Variants in SH3RF1 observed in about 807,000 individuals in gnomAD.
SH3RF1 encodes the protein SH3 domain containing ring finger 1.
A neutral mutation model predicts 74.0 loss-of-function variants in SH3RF1; 32 were observed. The ratio of observed to expected loss-of-function variants is 0.43; its 90% CI spans 0.33 to 0.58. The LOEUF is 0.58. SH3RF1 is among the 20% of genes least tolerant of loss of function. The probability of loss-of-function intolerance (pLI) is 0.05; values close to 1 mark genes in which losing one functional copy is unlikely to be tolerated. For synonymous variants in SH3RF1, 396 were observed against 439.6 expected (o/e 0.90, Z 1.24); for missense variants, 954 against 1,130.9 (o/e 0.84, Z 2.24).
At chr4:169,248,752 G>A (rs1283258959) in intron 2 of SH3RF1, among the ~76,000 whole-genome samples, 1 of 152,192 alleles carries the variant, frequency 6.6e-6, no homozygotes, top group Non-Finnish European at 1.5e-5. Flanking sequence ...CCTGGTGGGT[G>A]TTTGTGACTA....
chr4:169,120,713 T>TAAC (rs147918956), intron 8 of SH3RF1, 106 bp downstream of exon 8: 148,947 of 1,213,776 alleles, frequency 0.12, 10,443 homozygotes, highest in South Asian at 0.16. Flanking sequence ...CTTGGCTATG[T>TAAC]AACAGGCAAT....
intron 5 of SH3RF1, among the ~76,000 whole-genome samples, chr4:169,133,013 A>G (rs1733643891): frequency 6.6e-6 from 1 of 152,182 alleles, no homozygotes; most frequent in Non-Finnish European, 1.5e-5. Flanking sequence ...ATATAATAGC[A>G]AGCAAGCCCT....
At chr4:169,244,484 T>G (rs1463437043) in intron 2 of SH3RF1, among the ~76,000 whole-genome samples, 2 of 152,194 alleles carry the variant, frequency 1.3e-5, no homozygotes, top group African/African-American at 4.8e-5. Context: ...ACTTCTTTTT[T>G]GTGGACTCAA....
intron 4 of SH3RF1, among the ~76,000 whole-genome samples, chr4:169,144,772 T>A (rs78299980): frequency 6.6e-6 from 1 of 152,024 alleles, no homozygotes; most frequent in Admixed American, 6.6e-5. Flanking sequence ...TTTTTTTTTT[T>A]AAGGAAAGCT....
chr4:169,187,425 A>G (rs1035700383), intron 2 of SH3RF1, among the ~76,000 whole-genome samples: 1 of 152,012 alleles, frequency 6.6e-6, no homozygotes, highest in South Asian at 2.1e-4. Context: ...TCTTGGGCTC[A>G]AGCAATCCTG....
chr4:169,161,082 G>T (rs1437487198), intron 2 of SH3RF1, among the ~76,000 whole-genome samples: 4 of 152,154 alleles, frequency 2.6e-5, no homozygotes, highest in Non-Finnish European at 4.4e-5. Context: ...AGGATCCACA[G>T]AGCTTACATT....
intron 2 of SH3RF1, among the ~76,000 whole-genome samples, chr4:169,181,969 C>G (rs143448312): frequency 2.0e-5 from 3 of 152,038 alleles, no homozygotes; most frequent in African/African-American, 7.3e-5. Flanking sequence ...TCTCTCCCAC[C>G]GAAATGAAGA....
At chr4:169,242,942 A>C (rs2110736737) in intron 2 of SH3RF1, among the ~76,000 whole-genome samples, 1 of 152,296 alleles carries the variant, frequency 6.6e-6, no homozygotes, top group Middle Eastern at 3.4e-3. Context: ...CCAAGACACC[A>C]GGTATGTGCA....
Position 169,144,886 on chromosome 4 carries a change from T to G in SH3RF1, c.766-8266A>C, listed in dbSNP as rs920988420. Among the ~76,000 whole-genome samples the G allele has an allele frequency of 3.9e-5, 6 of 152,002 alleles. No individual in the cohort carries two copies. In the East Asian group the frequency reaches 1.2e-3, roughly 29 times the overall value. On this transcript the variant is annotated intron_variant, in intron 4 of 11. Coordinates refer to ENST00000284637, the MANE Select transcript of SH3RF1 (RefSeq NM_020870.4). Reference sequence around the variant, plus strand: ...ATCGTACTAGTTGGTGATCTCTGATTTAGGGAAGAAATAATAGAGAAGAAA... The same window carrying G: ...ATCGTACTAGTTGGTGATCTCTGATGTAGGGAAGAAATAATAGAGAAGAAA...
chr4:169,172,502 AT>A (rs1216016724), intron 2 of SH3RF1, among the ~76,000 whole-genome samples: 1 of 152,192 alleles, frequency 6.6e-6, no homozygotes, highest in Admixed American at 6.5e-5. Context: ...GGATTAGGGC[AT>A]TTTCAGTTGT....
At chr4:169,159,311 A>G (rs563895367) in intron 2 of SH3RF1, among the ~76,000 whole-genome samples, 1 of 152,370 alleles carries the variant, frequency 6.6e-6, no homozygotes, top group Admixed American at 6.5e-5. Flanking sequence ...AAGGCTAGTT[A>G]TCACAGCTTA....
At chr4:169,223,015 G>A (rs1041655684) in intron 2 of SH3RF1, among the ~76,000 whole-genome samples, 1 of 152,286 alleles carries the variant, frequency 6.6e-6, no homozygotes, top group Middle Eastern at 3.4e-3. Context: ...CTCTTCACAA[G>A]GCGGGAAACA....
intron 11 of SH3RF1, among the ~76,000 whole-genome samples, chr4:169,097,058 T>C (rs1732943192): frequency 6.6e-6 from 1 of 152,096 alleles, no homozygotes; most frequent in Non-Finnish European, 1.5e-5. Flanking sequence ...AGGAGTGAAT[T>C]TATTTGATTG....
At position 169,122,155 on chromosome 4, in the gene SH3RF1, T is replaced by C. The variant is rs201060822; in HGVS notation, c.1291A>G (p.Met431Val). 13 of 1,613,300 alleles carry C rather than the reference T, an allele frequency of 8.1e-6. No individual in the cohort carries two copies. The highest frequency in any genetic ancestry group is 4.5e-5 in the East Asian group (2 of 44,886). ...GCAATCTGGTCAGTGGATCCTGCCATGGGCCTCGGTCCCATTCCAGCAGCA... is the reference window on the plus strand; with the variant it reads ...GCAATCTGGTCAGTGGATCCTGCCACGGGCCTCGGTCCCATTCCAGCAGCA... Reference protein sequence around the residue: ...AAAAGMGPRPMAGSTDQIAHL... With the variant: ...AAAAGMGPRPVAGSTDQIAHL... The change falls in exon 7 of 12, where the codon ATG (methionine) becomes GTG (valine). Residue 431 changes from methionine (M) to valine (V), a missense_variant. Met to Val is a conservative substitution (Grantham distance 21). Coordinates refer to ENST00000284637, the MANE Select transcript of SH3RF1 (RefSeq NM_020870.4).
intron 2 of SH3RF1, among the ~76,000 whole-genome samples, chr4:169,212,679 A>C (rs1332421010): frequency 6.6e-6 from 1 of 152,124 alleles, no homozygotes; most frequent in Non-Finnish European, 1.5e-5. Context: ...CATTTCTTAC[A>C]ATCAGTGAAC....
At chr4:169,228,685 T>G (rs1730689000) in intron 2 of SH3RF1, among the ~76,000 whole-genome samples, 1 of 152,212 alleles carries the variant, frequency 6.6e-6, no homozygotes, top group Admixed American at 6.5e-5. Flanking sequence ...GGGATTAGGA[T>G]GTAAACATCT....
intron 2 of SH3RF1, among the ~76,000 whole-genome samples, chr4:169,226,792 T>G (rs1358041141): frequency 6.6e-6 from 1 of 152,234 alleles, no homozygotes; most frequent in African/African-American, 2.4e-5. Context: ...ATTGGGATGA[T>G]GAATTGAATG....
chr4:169,126,797 C>G (rs6832721), intron 6 of SH3RF1, among the ~76,000 whole-genome samples: 3 of 151,836 alleles, frequency 2.0e-5, no homozygotes, highest in Non-Finnish European at 4.4e-5. Flanking sequence ...TTCTATGTTG[C>G]CCATGCTGGT....
intron 2 of SH3RF1, among the ~76,000 whole-genome samples, chr4:169,211,474 T>A (rs1472016091): frequency 9.3e-6 from 1 of 107,756 alleles, no homozygotes; most frequent in Non-Finnish European, 1.8e-5. Context: ...AGAGCGAGAC[T>A]CCGTCTCAAA....
Sources: gnomAD v4.1 joint callset for allele counts (sites outside exome capture counted in the v4.1 genomes callset) on GRCh38, gnomAD v4.1.1 for gene constraint, MANE v1.5 for transcripts, NCBI Gene and HGNC (gene_info 2026-07-23, HGNC 2026-07-21) for gene names.